PALMD: variants seen among roughly 807,000 people sequenced by gnomAD.
The protein encoded by PALMD is palmdelphin.
PALMD carries 42 observed loss-of-function variants against 56.2 expected under a neutral mutation model. That is an observed-to-expected ratio of 0.75 (90% CI 0.58 to 0.97). The LOEUF (loss-of-function observed/expected upper bound fraction) is 0.97, where lower values mean the gene tolerates loss of function less well. PALMD is among the 50% of genes least tolerant of loss of function. The probability of loss-of-function intolerance (pLI) is 0.00; values close to 1 mark genes in which losing one functional copy is unlikely to be tolerated. For missense variants in PALMD, 660 were observed against 643.8 expected, an observed-to-expected ratio of 1.03 and a Z score of -0.27; for synonymous variants, 242 against 222.9, an observed-to-expected ratio of 1.09 and a Z score of -0.76.
At chr1:99,686,906 A>G (rs770097490) in intron 4 of PALMD, 24 bp from the exon 5 acceptor site, 3 of 1,524,132 alleles carry the variant, frequency 2.0e-6, no homozygotes, top group Non-Finnish European at 2.7e-6. Context: ...TGTATTAATC[A>G]TGGAGAATTC....
Position 99,689,615 on chromosome 1 carries a change from A to AT in PALMD, c.1355_1356insT (p.Glu452AspfsTer4). 6.2e-7 allele frequency: 1 copy of AT among 1,613,780 alleles called. No homozygotes were observed. The highest frequency in any genetic ancestry group is 8.5e-7 in the Non-Finnish European group (1 of 1,179,836). ...CTGGTTGTGATTGATGATGAGGAGG[A>AT]GGAGGATGAAGGAGAAGCAGAGAAA... On this transcript the variant is annotated frameshift_variant, in exon 7 of 8. Coordinates refer to ENST00000263174, the MANE Select transcript of PALMD (RefSeq NM_017734.5). LOFTEE classifies it high-confidence loss of function.
chr1:99,681,118 TG>T (rs1653333929), intron 3 of PALMD, among the ~76,000 whole-genome samples: 1 of 139,522 alleles, frequency 7.2e-6, no homozygotes, highest in Admixed American at 7.2e-5. Context: ...TGTGTGTGTG[TG>T]TGTGTGTGTG....
intron 3 of PALMD, among the ~76,000 whole-genome samples, chr1:99,676,988 CAAT>C (rs1346726502): frequency 2.6e-5 from 4 of 152,026 alleles, no homozygotes; most frequent in African/African-American, 9.7e-5. Context: ...TGTATGTACT[CAAT>C]AATAGCCATT....
rs1653594133 is a variant in PALMD, at chr1:99,689,045, A to T, written c.785A>T (p.Tyr262Phe). The change falls in exon 7 of 8, where the codon TAT becomes TTT. Residue 262 changes from tyrosine (Y) to phenylalanine (F), a missense_variant. Transcript: ENST00000263174. Reference sequence around the variant, plus strand: ...CCAACAGAGTATCATGAGCCTGTATATGCCAATCCCTTTTACAGGCCTACA... The same window carrying T: ...CCAACAGAGTATCATGAGCCTGTATTTGCCAATCCCTTTTACAGGCCTACA... ...KSPTEYHEPV[Y>F]ANPFYRPTTP... 1 of 1,613,722 alleles carries T rather than the reference A, an allele frequency of 6.2e-7. No individual in the cohort carries two copies. The highest frequency in any genetic ancestry group is 1.1e-5 in the South Asian group (1 of 91,070).
chr1:99,671,279 C>T (rs1051274041), intron 3 of PALMD, among the ~76,000 whole-genome samples: 1 of 152,196 alleles, frequency 6.6e-6, no homozygotes, highest in African/African-American at 2.4e-5. Context: ...TTCTTTCCTT[C>T]TACTTCTAAG....
chr1:99,690,304 C>T (rs1282451647), intron 7 of PALMD, among the ~76,000 whole-genome samples: 1 of 152,070 alleles, frequency 6.6e-6, no homozygotes, highest in Non-Finnish European at 1.5e-5. Context: ...GTACAAGAAA[C>T]AAATTTTATT....
chr1:99,676,325 T>C (rs964126002), intron 3 of PALMD, among the ~76,000 whole-genome samples: 2 of 152,220 alleles, frequency 1.3e-5, no homozygotes, highest in African/African-American at 4.8e-5. Context: ...CCAGCCATAT[T>C]GGATAGTTTT....
chr1:99,674,456 G>C (rs1363345801), intron 3 of PALMD, among the ~76,000 whole-genome samples: 2 of 152,044 alleles, frequency 1.3e-5, no homozygotes, highest in Non-Finnish European at 2.9e-5. Context: ...CAACAGTCAT[G>C]CCAGGAGTCA....
intron 5 of PALMD, 32 bp downstream of exon 5, chr1:99,686,995 A>C: frequency 6.5e-7 from 1 of 1,540,782 alleles, no homozygotes; most frequent in Non-Finnish European, 8.9e-7. Context: ...TTTATGTTAA[A>C]CTAAGTTTTT....
intron 1 of PALMD, among the ~76,000 whole-genome samples, chr1:99,654,376 G>T (rs1652665436): frequency 6.6e-6 from 1 of 152,092 alleles, no homozygotes; most frequent in East Asian, 1.9e-4. Context: ...AATAATACTA[G>T]TAAGGAAGTA....
At chr1:99,652,412 T>C (rs1652606779) in intron 1 of PALMD, among the ~76,000 whole-genome samples, 1 of 152,112 alleles carries the variant, frequency 6.6e-6, no homozygotes, top group African/African-American at 2.4e-5. Context: ...AAAACCAGCC[T>C]GGCCAACATG....
intron 1 of PALMD, among the ~76,000 whole-genome samples, chr1:99,654,422 T>G (rs1652666327): frequency 6.6e-6 from 1 of 152,184 alleles, no homozygotes; most frequent in African/African-American, 2.4e-5. Context: ...TGCATTTTTA[T>G]ACCTACTAAG....
intron 2 of PALMD, among the ~76,000 whole-genome samples, chr1:99,664,052 A>C (rs1295777114): frequency 5.3e-5 from 8 of 152,116 alleles, no homozygotes; most frequent in African/African-American, 1.9e-4. Flanking sequence ...TTCCTTTGCC[A>C]GTCGTGCACT....
At chr1:99,676,085 T>C (rs1477334430) in intron 3 of PALMD, among the ~76,000 whole-genome samples, 1 of 152,198 alleles carries the variant, frequency 6.6e-6, no homozygotes, top group Non-Finnish European at 1.5e-5. Flanking sequence ...TTAAAACTGC[T>C]GCATTGTATT....
chr1:99,656,301 T>C (rs897292158), intron 1 of PALMD, among the ~76,000 whole-genome samples: 1 of 152,242 alleles, frequency 6.6e-6, no homozygotes, highest in Non-Finnish European at 1.5e-5. Flanking sequence ...AAATATACTT[T>C]TACTGAAATC....
chr1:99,653,533 T>C (rs1361808134), intron 1 of PALMD, among the ~76,000 whole-genome samples: 4 of 152,168 alleles, frequency 2.6e-5, no homozygotes, highest in African/African-American at 7.2e-5. Flanking sequence ...GCTTTTTAAT[T>C]CACCCCATAA....
In PALMD at chr1:99,646,343, G is replaced by A; in HGVS notation, c.26G>A (p.Gly9Glu). 6.2e-7 allele frequency: 1 copy of A among 1,613,094 alleles called. No individual in the cohort carries two copies. The highest frequency in any genetic ancestry group is 2.2e-5 in the East Asian group (1 of 44,862). The change falls in exon 1 of 8, where the codon GGA becomes GAA. Residue 9 changes from glycine (G) to glutamate (E), a missense_variant. Physicochemically the swap from Gly to Glu is moderately conservative, Grantham distance 98 (BLOSUM62 -2). Transcript: ENST00000263174. ...ATGGAAGAAGCTGAGCTGGTGAAGGGAAGACTCCAGGCCATCACAGTAAGT... is the reference window on the plus strand; with the variant it reads ...ATGGAAGAAGCTGAGCTGGTGAAGGAAAGACTCCAGGCCATCACAGTAAGT... MEEAELVK[G>E]RLQAITDKRK...
At chr1:99,692,460 C>T (rs1653670483) in intron 7 of PALMD, among the ~76,000 whole-genome samples, 1 of 152,088 alleles carries the variant, frequency 6.6e-6, no homozygotes, top group Non-Finnish European at 1.5e-5. Context: ...GCTGATGGCC[C>T]AGGGTTTTTA....
chr1:99,671,170 C>T (rs1342378597), intron 3 of PALMD, among the ~76,000 whole-genome samples: 1 of 152,150 alleles, frequency 6.6e-6, no homozygotes, highest in African/African-American at 2.4e-5. Flanking sequence ...TCTGCCAGGC[C>T]CCCTCAGCTA....
Sources: gnomAD v4.1 joint callset for allele counts (sites outside exome capture counted in the v4.1 genomes callset) on GRCh38, gnomAD v4.1.1 for gene constraint, MANE v1.5 for transcripts, NCBI Gene and HGNC (gene_info 2026-07-23, HGNC 2026-07-21) for gene names.